The following ANKIB1 variants were observed in gnomAD, a reference collection of about 807,000 sequenced individuals.
ANKIB1 encodes the protein ankyrin repeat and IBR domain-containing protein 1.
Under a neutral mutation model 122.1 loss-of-function variants are expected in ANKIB1, and 43 were observed. The observed-to-expected ratio is 0.35, with a 90% CI of 0.28 to 0.45. The LOEUF (loss-of-function observed/expected upper bound fraction) is 0.45, where lower values mean the gene tolerates loss of function less well. Ranked by LOEUF, ANKIB1 falls within the 20% of genes least tolerant of loss-of-function variation. The pLI, the probability that ANKIB1 is intolerant of heterozygous loss-of-function variation, is 1.00. For missense variants in ANKIB1, 992 were observed against 1,329.5 expected, an observed-to-expected ratio of 0.75 and a Z score of 3.95; for synonymous variants, 390 against 442.0, an observed-to-expected ratio of 0.88 and a Z score of 1.48.
chr7:92,358,225 G>C (rs1006665219), intron 9 of ANKIB1, among the ~76,000 whole-genome samples: 2 of 152,154 alleles, frequency 1.3e-5, no homozygotes, highest in Non-Finnish European at 2.9e-5. Context: ...CTGGGCCATA[G>C]AGCAAGACTC....
intron 7 of ANKIB1, among the ~76,000 whole-genome samples, chr7:92,347,320 T>C (rs1803562089): frequency 6.6e-6 from 1 of 152,188 alleles, no homozygotes; most frequent in Non-Finnish European, 1.5e-5. Context: ...TGTTTTAAGC[T>C]CATCAGCTGT....
rs1804980998 is a variant in ANKIB1 at position 92,399,850 on chromosome 7, A to C, written c.*901A>C. 6.6e-6 allele frequency: 1 copy of C among 152,212 alleles called. No homozygotes were observed. Among genetic ancestry groups the C allele is most frequent in the Admixed American group, 6.5e-5 (1 of 15,278 alleles). 9.4% of individuals were successfully genotyped at this position (152,212 alleles called of 1,614,324 possible). A position where few individuals can be genotyped will look rare whatever the true frequency, so the allele number is the denominator to read the frequency against. On this transcript the variant is annotated 3_prime_UTR_variant, in exon 20 of 20. Transcript: ENST00000265742. Reference sequence around the variant, plus strand: ...GAGACACTTTATTGGAAGTGCAATCATAGTTATTTGTTTTCACAATTTTAC... The same window carrying C: ...GAGACACTTTATTGGAAGTGCAATCCTAGTTATTTGTTTTCACAATTTTAC...
chr7:92,314,843 G>A (rs1802760526), intron 3 of ANKIB1, among the ~76,000 whole-genome samples: 1 of 152,158 alleles, frequency 6.6e-6, no homozygotes, highest in East Asian at 1.9e-4. Context: ...ATTAGAAGGA[G>A]TGATAGGAGT....
chr7:92,380,892 G>A (rs1804497661), intron 11 of ANKIB1, among the ~76,000 whole-genome samples: 1 of 152,198 alleles, frequency 6.6e-6, no homozygotes, highest in African/African-American at 2.4e-5. Context: ...GAACAAAGCA[G>A]GATGGAGAAT....
chr7:92,277,681 T>C (rs777008466), intron 1 of ANKIB1, among the ~76,000 whole-genome samples: 1 of 152,158 alleles, frequency 6.6e-6, no homozygotes, highest in Non-Finnish European at 1.5e-5. Context: ...GCGTGGAGGC[T>C]CATACCTGTA....
intron 3 of ANKIB1, among the ~76,000 whole-genome samples, chr7:92,315,675 C>G (rs2131944916): frequency 6.6e-6 from 1 of 152,186 alleles, no homozygotes; most frequent in South Asian, 2.1e-4. Context: ...CTGCAGAAAG[C>G]TAAAGGAATT....
intron 11 of ANKIB1, among the ~76,000 whole-genome samples, chr7:92,385,640 C>T (rs370831931): frequency 6.6e-5 from 10 of 152,190 alleles, no homozygotes; most frequent in African/African-American, 2.4e-4. Context: ...GACAGAAAAA[C>T]GAACACCACA....
At position 92,351,271 on chromosome 7, in the gene ANKIB1, A is replaced by G. The variant is rs377268366; in HGVS notation, c.1230+177A>G. The stretch of plus-strand genomic sequence containing the variant: ...TGGTGATAAAGTTTGAAGCTAAAGC[A>G]TTATTTTGTAATAATAAGAGGAAAG... On this transcript the variant is annotated intron_variant, in intron 8 of 19. Transcript: ENST00000265742. 3.2e-4 allele frequency among the ~76,000 whole-genome samples: 48 copies of G among 152,360 alleles called. 1 individual carries two copies. Among genetic ancestry groups the G allele is most frequent in the African/African-American group, 9.9e-4 (41 of 41,592 alleles).
chr7:92,395,662 T>C (rs192018410), intron 17 of ANKIB1, among the ~76,000 whole-genome samples: 8 of 150,506 alleles, frequency 5.3e-5, no homozygotes, highest in Non-Finnish European at 5.9e-5. Flanking sequence ...CCTCAGCCTC[T>C]CGAGTAGCTG....
chr7:92,387,082 T>TCTC (rs112207870), intron 12 of ANKIB1, among the ~76,000 whole-genome samples: 15,535 of 152,014 alleles, frequency 0.1, 965 homozygotes, highest in East Asian at 0.36. Context: ...TGATGAGGGT[T>TCTC]CTCTTGGTTT....
chr7:92,363,642 G>A (rs1367915320), intron 10 of ANKIB1, among the ~76,000 whole-genome samples: 4 of 152,348 alleles, frequency 2.6e-5, no homozygotes, highest in Middle Eastern at 3.4e-3. Context: ...CTGGAGTTTA[G>A]CATCTCTGCC....
chr7:92,344,927 C>G (rs188405267), intron 6 of ANKIB1, 51 bp from the exon 7 acceptor site: 3 of 1,440,478 alleles, frequency 2.1e-6, no homozygotes, highest in Non-Finnish European at 2.9e-6. Context: ...ATGTATTGTT[C>G]TCTTTCAGAA....
intron 7 of ANKIB1, 48 bp downstream of exon 7, chr7:92,345,114 G>A (rs749534321): frequency 3.4e-5 from 45 of 1,309,122 alleles, no homozygotes; most frequent in Non-Finnish European, 4.4e-5. Flanking sequence ...ATAGCACTCT[G>A]ATTTGTTAAT....
rs1804536448 is a variant in ANKIB1 at position 92,382,374 on chromosome 7, C to T, written c.1618-4135C>T. Among the ~76,000 whole-genome samples, 4 of 152,320 alleles carry T rather than the reference C, an allele frequency of 2.6e-5. No individual in the cohort carries two copies. In the South Asian group the frequency reaches 8.3e-4, roughly 32 times the overall value. ...GGATATCCAGGACTTGAACTCAGCT[C>T]TGCACTAGGCAGACCTAATAGACAT... On this transcript the variant is annotated intron_variant, in intron 11 of 19. Coordinates refer to ENST00000265742, the MANE Select transcript of ANKIB1 (RefSeq NM_019004.2).
intron 4 of ANKIB1, among the ~76,000 whole-genome samples, chr7:92,326,712 G>A (rs146349856): frequency 1.4e-4 from 22 of 152,110 alleles, no homozygotes; most frequent in African/African-American, 4.8e-4. Flanking sequence ...GTAATAGTTT[G>A]GGGCTTTTCT....
intron 9 of ANKIB1, among the ~76,000 whole-genome samples, chr7:92,355,176 T>C (rs1803769128): frequency 6.6e-6 from 1 of 152,170 alleles, no homozygotes; most frequent in Non-Finnish European, 1.5e-5. Flanking sequence ...TAATTACAAT[T>C]TGTGTGATCT....
chr7:92,305,733 A>G lies in ANKIB1; in HGVS notation c.189-1626A>G, dbSNP rs564514884. Among the ~76,000 whole-genome samples the G allele has an allele frequency of 3.9e-5, 6 of 152,294 alleles. No homozygotes were observed. In the South Asian group the frequency reaches 8.3e-4, roughly 21 times the overall value. On this transcript the variant is annotated intron_variant, in intron 2 of 19. Coordinates refer to ENST00000265742, the MANE Select transcript of ANKIB1 (RefSeq NM_019004.2). ...GGCATCAGAAGACCATAAAGGCTACATGGAGCTGTAGAGAAAATAAGCATG... is the reference window on the plus strand; with the variant it reads ...GGCATCAGAAGACCATAAAGGCTACGTGGAGCTGTAGAGAAAATAAGCATG...
chr7:92,297,747 G>A lies in ANKIB1; in HGVS notation c.188+2581G>A, dbSNP rs961426346. 1.1e-4 allele frequency among the ~76,000 whole-genome samples: 17 copies of A among 151,764 alleles called. 1 individual carries two copies. Among genetic ancestry groups the A allele is most frequent in the African/African-American group, 3.6e-4 (15 of 41,374 alleles). ...AGCATAGCCTTTCAGTGTTCTTTCTGTCTTGAGAAAGTTATAATACCTTGT... is the reference window on the plus strand; with the variant it reads ...AGCATAGCCTTTCAGTGTTCTTTCTATCTTGAGAAAGTTATAATACCTTGT... On this transcript the variant is annotated intron_variant, in intron 2 of 19. Coordinates refer to ENST00000265742, the MANE Select transcript of ANKIB1 (RefSeq NM_019004.2).
At chr7:92,392,148 G>T in intron 16 of ANKIB1, 93 bp from the exon 17 acceptor site, 1 of 966,216 alleles carries the variant, frequency 1.0e-6, no homozygotes. Context: ...TCCAACAGAG[G>T]AATTCAAAGT....
Sources: gnomAD v4.1 joint callset for allele counts (sites outside exome capture counted in the v4.1 genomes callset) on GRCh38, gnomAD v4.1.1 for gene constraint, MANE v1.5 for transcripts, NCBI Gene and HGNC (gene_info 2026-07-23, HGNC 2026-07-21) for gene names.